Variants in PRKCZ observed in about 807,000 individuals in gnomAD.
The protein encoded by PRKCZ is protein kinase C zeta.
Under a neutral mutation model 79.5 loss-of-function variants are expected in PRKCZ, and 33 were observed. The ratio of observed to expected loss-of-function variants is 0.41; its 90% CI spans 0.31 to 0.55. The LOEUF (loss-of-function observed/expected upper bound fraction) is 0.55, where lower values mean the gene tolerates loss of function less well. Among genes scored for constraint, PRKCZ ranks in the 20% least tolerant of loss-of-function variants. PRKCZ has a pLI of 0.19. For missense variants in PRKCZ, 578 were observed against 813.5 expected, an observed-to-expected ratio of 0.71 and a Z score of 3.52; for synonymous variants, 342 against 320.9, an observed-to-expected ratio of 1.07 and a Z score of -0.70.
chr1:2,114,854 G>C (rs574025670), intron 4 of PRKCZ, among the ~76,000 whole-genome samples: 16 of 152,268 alleles, frequency 1.1e-4, no homozygotes, highest in Non-Finnish European at 2.1e-4. Flanking sequence ...TTTTCTTATG[G>C]AAAGAATGTT....
chr1:2,137,699 A>T (rs547884059), intron 5 of PRKCZ, among the ~76,000 whole-genome samples: 42 of 152,248 alleles, frequency 2.8e-4, no homozygotes, highest in Admixed American at 2.7e-3. Flanking sequence ...GTGGCCTCTC[A>T]CTGTGCAGCT....
intron 4 of PRKCZ, among the ~76,000 whole-genome samples, chr1:2,081,474 C>A (rs1177362069): frequency 6.6e-6 from 1 of 152,184 alleles, no homozygotes; most frequent in Non-Finnish European, 1.5e-5. Context: ...GGCATGGACC[C>A]CCAGAAGGGG....
chr1:2,051,050 C>T (rs1365519411), intron 1 of PRKCZ: 1 of 219,570 alleles, frequency 4.6e-6, no homozygotes. Flanking sequence ...GTGAAAACTC[C>T]TGGCGGGTTT....
At chr1:2,154,719 AG>A (rs961837514) in intron 9 of PRKCZ, among the ~76,000 whole-genome samples, 8 of 152,194 alleles carry the variant, frequency 5.3e-5, no homozygotes, top group African/African-American at 7.2e-5. Flanking sequence ...CCCGAAGACA[AG>A]GGGTTGACCT....
At chr1:2,055,419 G>A (rs1000983403) in intron 1 of PRKCZ, 22 bp from the exon 2 acceptor site, 2 of 1,579,542 alleles carry the variant, frequency 1.3e-6, no homozygotes, top group African/African-American at 1.4e-5. Flanking sequence ...GGTAACAGAT[G>A]CCCATGTCCC....
At chr1:2,080,324 C>CGGTGCGCGTGG in intron 4 of PRKCZ, among the ~76,000 whole-genome samples, 2 of 152,202 alleles carry the variant, frequency 1.3e-5, no homozygotes, top group African/African-American at 4.8e-5. Context: ...TAGGTAGGGG[C>CGGTGCGCGTGG]AGTGCGCGTG....
chr1:2,167,491 G>C (rs936955473), intron 10 of PRKCZ, among the ~76,000 whole-genome samples: 1 of 152,324 alleles, frequency 6.6e-6, no homozygotes, highest in Admixed American at 6.5e-5. Context: ...TGGGGTGAAC[G>C]TGGCTCCTCT....
At position 2,125,277 on chromosome 1, in the gene PRKCZ, A is replaced by C. The variant is rs1673650898; in HGVS notation, c.335-9985A>C. Among the ~76,000 whole-genome samples the C allele has an allele frequency of 1.3e-5, 2 of 152,226 alleles. No individual in the cohort carries two copies. The highest frequency in any genetic ancestry group is 4.8e-5 in the African/African-American group (2 of 41,462). ...CTTGGAAGTTGGCGTACATCTTTCC[A>C]CGGAAACTATGAAAATACTGGTCAG... On this transcript the variant is annotated intron_variant, in intron 4 of 17. Transcript: ENST00000378567. The surrounding 1 kb of genome is among the most constrained non-coding windows in gnomAD (Gnocchi z 4.2).
At chr1:2,171,193 A>T (rs1557732666) in intron 11 of PRKCZ, among the ~76,000 whole-genome samples, 1 of 151,672 alleles carries the variant, frequency 6.6e-6, no homozygotes. Flanking sequence ...AATACAAAAA[A>T]TTATCCAGGT....
At chr1:2,053,831 G>A (rs1363135849) in intron 1 of PRKCZ, among the ~76,000 whole-genome samples, 1 of 152,256 alleles carries the variant, frequency 6.6e-6, no homozygotes, top group African/African-American at 2.4e-5. Context: ...ATGGGTGTGT[G>A]ACCCCCCTCC....
chr1:2,151,447 T>C (rs2103229606), intron 9 of PRKCZ, among the ~76,000 whole-genome samples: 1 of 152,346 alleles, frequency 6.6e-6, no homozygotes, highest in East Asian at 1.9e-4. Context: ...TTTTAGGATG[T>C]CATCACCCTT....
intron 4 of PRKCZ, among the ~76,000 whole-genome samples, chr1:2,093,890 C>T (rs1262504937): frequency 1.3e-5 from 2 of 152,140 alleles, no homozygotes; most frequent in Non-Finnish European, 2.9e-5. Flanking sequence ...TGGAGGTCCG[C>T]GGCCGTCAGC....
intron 4 of PRKCZ, among the ~76,000 whole-genome samples, chr1:2,063,673 C>A (rs1300767544): frequency 2.0e-5 from 3 of 152,172 alleles, no homozygotes; most frequent in Non-Finnish European, 4.4e-5. Flanking sequence ...ATTTTCCACC[C>A]CCTGCAATAG....
intron 4 of PRKCZ, among the ~76,000 whole-genome samples, chr1:2,100,551 G>C (rs78230565): frequency 0.022 from 3,387 of 152,332 alleles, 132 homozygotes; most frequent in African/African-American, 0.075. Flanking sequence ...TCTGATACAG[G>C]AACTTATGGG....
chr1:2,152,155 T>G lies in PRKCZ; in HGVS notation c.876+1177T>G, dbSNP rs549904775. Among the ~76,000 whole-genome samples the G allele has an allele frequency of 8.5e-5, 13 of 152,314 alleles. 1 individual carries two copies. The highest frequency in any genetic ancestry group is 2.9e-4 in the African/African-American group (12 of 41,566). ...CATGAGTCACTATGCCTGGCCTGTT[T>G]GTTGAAATCTTAATTCTGACTTCAT... On this transcript the variant is annotated intron_variant, in intron 9 of 17. Coordinates refer to ENST00000378567, the MANE Select transcript of PRKCZ (RefSeq NM_002744.6).
At chr1:2,111,126 C>T (rs866654137) in intron 4 of PRKCZ, among the ~76,000 whole-genome samples, 13 of 151,794 alleles carry the variant, frequency 8.6e-5, no homozygotes, top group South Asian at 2.1e-4. Context: ...GCAGGGAAGG[C>T]GAGGAGGAGC....
chr1:2,064,300 T>A, intron 4 of PRKCZ, among the ~76,000 whole-genome samples: 1 of 152,252 alleles, frequency 6.6e-6, no homozygotes, highest in African/African-American at 2.4e-5. Context: ...GCAAATATCT[T>A]CTCCTGCTTT....
At chr1:2,108,096 C>T (rs1668950091) in intron 4 of PRKCZ, among the ~76,000 whole-genome samples, 1 of 152,256 alleles carries the variant, frequency 6.6e-6, no homozygotes, top group African/African-American at 2.4e-5. Flanking sequence ...GTAGAGAAGT[C>T]AGGTAGCCCA....
At position 2,055,567 on chromosome 1, in the gene PRKCZ, C is replaced by T; in HGVS notation, c.193+5C>T. 1 of 1,611,544 alleles carries T rather than the reference C, an allele frequency of 6.2e-7. No homozygotes were observed. The highest frequency in any genetic ancestry group is 8.5e-7 in the Non-Finnish European group (1 of 1,178,706). On this transcript the variant is annotated splice_donor_5th_base_variant and intron_variant, in intron 2 of 17. Transcript: ENST00000378567. ...TCAAGTGGGTGGACAGCGAAGGTAG[C>T]CCTTGTCCCATGTTGGCCAGAATCC...
Sources: allele counts gnomAD v4.1 joint callset (sites outside exome capture counted in the v4.1 genomes callset), GRCh38; gene constraint gnomAD v4.1.1; non-coding constraint Gnocchi (gnomAD v3.1); transcripts MANE v1.5; gene names NCBI Gene and HGNC (gene_info 2026-07-23, HGNC 2026-07-21).